AGBL4: variants seen among roughly 807,000 people sequenced by gnomAD.
AGBL4 encodes AGBL carboxypeptidase 4.
AGBL4 carries 58 observed loss-of-function variants against 66.4 expected under a neutral mutation model. That is an observed-to-expected ratio of 0.87 (90% CI 0.71 to 1.09). The LOEUF is 1.09. AGBL4 is among the 50% of genes least tolerant of loss of function. AGBL4 has a pLI of 0.00. For missense variants in AGBL4, 579 were observed against 631.0 expected, an observed-to-expected ratio of 0.92 and a Z score of 0.88; for synonymous variants, 234 against 222.9, an observed-to-expected ratio of 1.05 and a Z score of -0.44.
intron 4 of AGBL4, among the ~76,000 whole-genome samples, chr1:49,101,537 T>C (rs1490126674): frequency 1.3e-5 from 2 of 152,298 alleles, no homozygotes; most frequent in Admixed American, 6.5e-5. Context: ...TAATACATGG[T>C]TCTAAATAAG....
At chr1:48,860,553 GCT>G (rs57861252) in intron 6 of AGBL4, among the ~76,000 whole-genome samples, 1,972 of 152,232 alleles carry the variant, frequency 0.013, 39 homozygotes, top group African/African-American at 0.043. Context: ...CTTGGGTGGG[GCT>G]CTCCTGTCAT....
At chr1:48,944,798 A>G (rs538358477) in intron 5 of AGBL4, among the ~76,000 whole-genome samples, 1 of 152,294 alleles carries the variant, frequency 6.6e-6, no homozygotes, top group East Asian at 1.9e-4. Context: ...AAGGTAAACA[A>G]TTCTTAGTGT....
At chr1:49,999,407 T>C (rs952364231) in intron 1 of AGBL4, among the ~76,000 whole-genome samples, 9 of 149,478 alleles carry the variant, frequency 6.0e-5, no homozygotes, top group African/African-American at 2.0e-4. Context: ...CAGGGAAAAC[T>C]ACAAAACACT....
intron 9 of AGBL4, among the ~76,000 whole-genome samples, chr1:48,625,524 C>T (rs991101137): frequency 6.6e-6 from 1 of 152,038 alleles, no homozygotes; most frequent in Non-Finnish European, 1.5e-5. Flanking sequence ...GCTGCAATAG[C>T]CAGGTACGTA....
At chr1:49,226,604 C>T (rs537919789) in intron 4 of AGBL4, among the ~76,000 whole-genome samples, 1 of 152,210 alleles carries the variant, frequency 6.6e-6, no homozygotes, top group East Asian at 1.9e-4. Context: ...ATTTCTTTCC[C>T]TCACCTCAAA....
intron 6 of AGBL4, chr1:48,776,595 C>T: frequency 7.0e-7 from 1 of 1,424,878 alleles, no homozygotes; most frequent in Admixed American, 3.4e-5. Flanking sequence ...CCTCCCCGCC[C>T]GCTTGCTCAC....
At chr1:48,625,532 G>A (rs1482662902) in intron 9 of AGBL4, among the ~76,000 whole-genome samples, 2 of 152,116 alleles carry the variant, frequency 1.3e-5, no homozygotes, top group Non-Finnish European at 2.9e-5. Flanking sequence ...AGCCAGGTAC[G>A]TAAAGTCTAT....
chr1:49,950,084 GTA>G (rs376410444), intron 1 of AGBL4, among the ~76,000 whole-genome samples: 7,242 of 134,600 alleles, frequency 0.054, 221 homozygotes, highest in African/African-American at 0.071. Context: ...ACACATATGT[GTA>G]TATATATACA....
At chr1:49,286,196 T>C (rs962633575) in intron 3 of AGBL4, among the ~76,000 whole-genome samples, 1 of 152,176 alleles carries the variant, frequency 6.6e-6, no homozygotes. Flanking sequence ...AAATTAGGTA[T>C]TGATGGGACA....
At chr1:48,637,322 G>A (rs76896501) in intron 8 of AGBL4, among the ~76,000 whole-genome samples, 2,056 of 152,270 alleles carry the variant, frequency 0.014, 52 homozygotes, top group African/African-American at 0.048. Flanking sequence ...AGGCAGATCT[G>A]AGTTCAAATC....
At chr1:49,193,418 A>AT (rs200978388) in intron 4 of AGBL4, among the ~76,000 whole-genome samples, 4,617 of 151,112 alleles carry the variant, frequency 0.031, 129 homozygotes, top group Non-Finnish European at 0.049. Context: ...TCATTTCAAA[A>AT]TTTTTTTTTA....
At chr1:49,919,897 A>G (rs1274152059) in intron 1 of AGBL4, among the ~76,000 whole-genome samples, 1 of 152,224 alleles carries the variant, frequency 6.6e-6, no homozygotes, top group Non-Finnish European at 1.5e-5. Flanking sequence ...AGAGATATAG[A>G]TCAATGGAAC....
At chr1:48,640,469 G>C (rs1645736668) in intron 8 of AGBL4, among the ~76,000 whole-genome samples, 1 of 152,154 alleles carries the variant, frequency 6.6e-6, no homozygotes, top group African/African-American at 2.4e-5. Flanking sequence ...TTGCAAACAT[G>C]GGTTAGATAG....
intron 3 of AGBL4, among the ~76,000 whole-genome samples, chr1:49,391,761 C>T (rs977241792): frequency 6.6e-6 from 1 of 151,914 alleles, no homozygotes. Flanking sequence ...TGGGGTTTCA[C>T]TGTGTTAGCC....
rs1275527827 is a variant in AGBL4, at chr1:49,809,498, A to G, written c.157+41898T>C. ...CTATGAACTTACAGGTCTATAAACC[A>G]AAGTATAAAAGGAGCATTGCAACAT... On this transcript the variant is annotated intron_variant, in intron 2 of 13. Coordinates refer to ENST00000371839, the MANE Select transcript of AGBL4 (RefSeq NM_032785.4). Among the ~76,000 whole-genome samples, 3 of 152,040 alleles carry G rather than the reference A, an allele frequency of 2.0e-5. 1 individual carries two copies. The highest frequency in any genetic ancestry group is 4.2e-4 in the South Asian group (2 of 4,746).
At position 49,829,210 on chromosome 1, in the gene AGBL4, A is replaced by AATGG. The variant is rs888216091; in HGVS notation, c.157+22182_157+22185dup. ...ATAATTCTTAATGGACGGATGGATG[A>AATGG]ATGGATGGATGGATGGATTATGAAC... On this transcript the variant is annotated intron_variant, in intron 2 of 13. Transcript: ENST00000371839. Among the ~76,000 whole-genome samples, 7 of 152,322 alleles carry AATGG rather than the reference A, an allele frequency of 4.6e-5. No individual in the cohort carries two copies. In the East Asian group the frequency reaches 1.2e-3, roughly 25 times the overall value.
chr1:49,665,964 C>CT (rs1175436638), intron 3 of AGBL4, among the ~76,000 whole-genome samples: 1 of 150,362 alleles, frequency 6.7e-6, no homozygotes, highest in African/African-American at 2.4e-5. Flanking sequence ...CACACTAAAT[C>CT]TTTTTTAAAT....
At chr1:49,772,776 CTCTG>C (rs1413776398) in intron 2 of AGBL4, among the ~76,000 whole-genome samples, 1 of 152,172 alleles carries the variant, frequency 6.6e-6, no homozygotes, top group Non-Finnish European at 1.5e-5. Flanking sequence ...TAGATTCTGT[CTCTG>C]TCTTTGACTT....
intron 2 of AGBL4, chr1:49,845,258 G>A (rs1310594259): frequency 6.4e-7 from 1 of 1,561,304 alleles, no homozygotes; most frequent in Non-Finnish European, 8.8e-7. Context: ...TGCACTCAGT[G>A]TGAGGGGACC....
Sources: allele counts gnomAD v4.1 joint callset (sites outside exome capture counted in the v4.1 genomes callset), GRCh38; gene constraint gnomAD v4.1.1; transcripts MANE v1.5; gene names NCBI Gene and HGNC (gene_info 2026-07-23, HGNC 2026-07-21).